Variants in IGF2BP2 observed in about 807,000 individuals in gnomAD.
IGF2BP2 encodes the protein insulin-like growth factor 2 mRNA-binding protein 2.
Under a neutral mutation model 75.8 loss-of-function variants are expected in IGF2BP2, and 17 were observed. The observed-to-expected ratio is 0.22, with a 90% CI of 0.15 to 0.34. IGF2BP2 has a LOEUF of 0.34. Among genes scored for constraint, IGF2BP2 ranks in the 10% least tolerant of loss-of-function variants. The probability of loss-of-function intolerance (pLI) is 1.00; values close to 1 mark genes in which losing one functional copy is unlikely to be tolerated. For synonymous variants in IGF2BP2, 288 were observed against 295.6 expected, an observed-to-expected ratio of 0.97 and a Z score of 0.26; for missense variants, 516 against 772.4, an observed-to-expected ratio of 0.67 and a Z score of 3.93.
At chr3:185,702,066 C>T (rs557414362) in intron 2 of IGF2BP2, among the ~76,000 whole-genome samples, 20 of 152,308 alleles carry the variant, frequency 1.3e-4, no homozygotes, top group African/African-American at 4.6e-4. Flanking sequence ...TTCCTCTGCA[C>T]TTTTCGGTTG....
intron 2 of IGF2BP2, among the ~76,000 whole-genome samples, chr3:185,751,296 G>T (rs774315160): frequency 1.4e-4 from 21 of 152,124 alleles, no homozygotes; most frequent in Non-Finnish European, 2.5e-4. Context: ...CTAATGAAGG[G>T]GTCGGGTGTG....
At chr3:185,786,972 A>T (rs149415488) in intron 2 of IGF2BP2, among the ~76,000 whole-genome samples, 1 of 152,216 alleles carries the variant, frequency 6.6e-6, no homozygotes, top group African/African-American at 2.4e-5. Flanking sequence ...AGCCTTTCTT[A>T]GTTCAAGGAC....
chr3:185,808,104 A>G (rs930706648), intron 2 of IGF2BP2, among the ~76,000 whole-genome samples: 9 of 148,410 alleles, frequency 6.1e-5, no homozygotes, highest in African/African-American at 2.3e-4. Flanking sequence ...AGATGCCAAG[A>G]CCTCGTTTCT....
At chr3:185,754,040 CA>C (rs890013782) in intron 2 of IGF2BP2, among the ~76,000 whole-genome samples, 49 of 142,000 alleles carry the variant, frequency 3.5e-4, no homozygotes, top group Admixed American at 4.9e-4. Context: ...CCCATCTCTA[CA>C]AAAAAAAAAA....
chr3:185,775,085 T>A (rs1195704088), intron 2 of IGF2BP2, among the ~76,000 whole-genome samples: 1 of 152,004 alleles, frequency 6.6e-6, no homozygotes, highest in Non-Finnish European at 1.5e-5. Context: ...CTGGATGAAC[T>A]CTAGCAAGTT....
At chr3:185,718,684 C>CAAAA (rs10699427) in intron 2 of IGF2BP2, among the ~76,000 whole-genome samples, 100 of 48,852 alleles carry the variant, frequency 2.0e-3, no homozygotes, top group Middle Eastern at 0.019. Flanking sequence ...GACTCTGTCT[C>CAAAA]AAAAAAAAAA....
chr3:185,780,315 A>C (rs1735045774), intron 2 of IGF2BP2, among the ~76,000 whole-genome samples: 1 of 152,140 alleles, frequency 6.6e-6, no homozygotes, highest in Non-Finnish European at 1.5e-5. Flanking sequence ...ATGATGTTCT[A>C]TTTGCTTATT....
At chr3:185,721,623 A>G (rs1179138129) in intron 2 of IGF2BP2, among the ~76,000 whole-genome samples, 1 of 152,152 alleles carries the variant, frequency 6.6e-6, no homozygotes, top group African/African-American at 2.4e-5. Context: ...CTTTGTCTAA[A>G]AACTGTACTT....
intron 2 of IGF2BP2, among the ~76,000 whole-genome samples, chr3:185,756,388 T>C (rs1731624327): frequency 6.6e-6 from 1 of 152,210 alleles, no homozygotes; most frequent in Non-Finnish European, 1.5e-5. Flanking sequence ...TGTTCTTTTA[T>C]AGCAATACAA....
At chr3:185,811,859 T>C (rs867915919) in intron 2 of IGF2BP2, among the ~76,000 whole-genome samples, 2,338 of 134,144 alleles carry the variant, frequency 0.017, 78 homozygotes, top group African/African-American at 0.07. Flanking sequence ...TCTCTCTCTC[T>C]CTCTCTCTCT....
intron 2 of IGF2BP2, chr3:185,728,351 T>G (rs904460895): frequency 6.6e-6 from 1 of 152,248 alleles, no homozygotes; most frequent in Non-Finnish European, 1.5e-5. Context: ...GTTAACCAGA[T>G]TCACCAATCC....
chr3:185,675,029 TTTTA>T, intron 9 of IGF2BP2: 1 of 183,704 alleles, frequency 5.4e-6, no homozygotes, highest in Non-Finnish European at 1.1e-5. Flanking sequence ...TTTTTTTTTT[TTTTA>T]TTCTTGCTTT....
At position 185,643,629 on chromosome 3, in the gene IGF2BP2, G is replaced by C. The variant is rs1413311667; in HGVS notation, c.*1902C>G. The C allele has an allele frequency of 6.6e-6, 1 of 152,098 alleles. No homozygotes were observed. Among genetic ancestry groups the C allele is most frequent in the African/African-American group, 2.4e-5 (1 of 41,278 alleles). The allele number at this position is 152,098 out of a possible 1,614,324, so 9.4% of individuals were successfully genotyped here. On this transcript the variant is annotated 3_prime_UTR_variant, in exon 16 of 16. Coordinates refer to ENST00000382199, the MANE Select transcript of IGF2BP2 (RefSeq NM_006548.6). ...ACCAGCTTTCTCAGAGTAGCTGTGT[G>C]GATCCAGGTCACACCTACCGCCTGT...
At chr3:185,714,205 C>T (rs1017864287) in intron 2 of IGF2BP2, among the ~76,000 whole-genome samples, 2 of 151,708 alleles carry the variant, frequency 1.3e-5, no homozygotes, top group Non-Finnish European at 2.9e-5. Flanking sequence ...TCTGTATATG[C>T]ATTTTTTCAC....
At chr3:185,815,437 GACA>G (rs1180062907) in intron 2 of IGF2BP2, among the ~76,000 whole-genome samples, 12 of 152,128 alleles carry the variant, frequency 7.9e-5, no homozygotes, top group African/African-American at 2.7e-4. Flanking sequence ...AAATGAGATG[GACA>G]ACAAGCCACT....
chr3:185,820,235 TACAC>T (rs202064714), intron 2 of IGF2BP2, among the ~76,000 whole-genome samples: 6,653 of 102,706 alleles, frequency 0.065, 255 homozygotes, highest in Admixed American at 0.14. Flanking sequence ...TATATACACA[TACAC>T]ACACACACAC....
chr3:185,749,522 G>C (rs1730688386), intron 2 of IGF2BP2, among the ~76,000 whole-genome samples: 1 of 152,190 alleles, frequency 6.6e-6, no homozygotes, highest in South Asian at 2.1e-4. Context: ...TTCTGAGTAG[G>C]AACTGGCCTC....
intron 10 of IGF2BP2, among the ~76,000 whole-genome samples, chr3:185,665,493 GGAGGAGGAGA>G (rs1717362730): frequency 1.9e-5 from 2 of 104,264 alleles, no homozygotes; most frequent in African/African-American, 4.5e-5. Context: ...AGGAGGAGAA[GGAGGAGGAGA>G]AGGAGGAGGA....
At chr3:185,785,879 G>A (rs1380161903) in intron 2 of IGF2BP2, among the ~76,000 whole-genome samples, 1 of 152,120 alleles carries the variant, frequency 6.6e-6, no homozygotes, top group African/African-American at 2.4e-5. Flanking sequence ...GACTGAATTG[G>A]TCATTAAAAG....
Sources: gnomAD v4.1 joint callset for allele counts (sites outside exome capture counted in the v4.1 genomes callset) on GRCh38, gnomAD v4.1.1 for gene constraint, MANE v1.5 for transcripts, NCBI Gene and HGNC (gene_info 2026-07-23, HGNC 2026-07-21) for gene names.